Variants in CAD observed in about 807,000 individuals in gnomAD.
CAD encodes multifunctional protein CAD.
A neutral mutation model predicts 237.2 loss-of-function variants in CAD; 81 were observed. That is an observed-to-expected ratio of 0.34 (90% CI 0.29 to 0.41). The LOEUF (loss-of-function observed/expected upper bound fraction) is 0.41, where lower values mean the gene tolerates loss of function less well. Ranked by LOEUF, CAD falls within the 10% of genes least tolerant of loss-of-function variation. The pLI, the probability that CAD is intolerant of heterozygous loss-of-function variation, is 1.00. For synonymous variants in CAD, 1,196 were observed against 1,162.8 expected (o/e 1.03, Z -0.58); for missense variants, 2,181 against 2,951.7 (o/e 0.74, Z 6.05).
In CAD at chr2:27,232,318, G is replaced by A; in HGVS notation, c.2645+94G>A. The stretch of plus-strand genomic sequence containing the variant: ...CTTGGGAGGGAGGAAGGAGAGTGTG[G>A]GAGAGCTTTAGAGGCTTCTGACCTT... On this transcript the variant is annotated intron_variant, in intron 17 of 43. Transcript: ENST00000264705. The surrounding 1 kb of genome is among the most constrained non-coding windows in gnomAD (Gnocchi z 4.1). 1 of 1,581,998 alleles carries A rather than the reference G, an allele frequency of 6.3e-7. No individual in the cohort carries two copies.
chr2:27,224,660 G>C, intron 9 of CAD, 85 bp from the exon 10 acceptor site: 1 of 1,571,322 alleles, frequency 6.4e-7, no homozygotes, highest in Non-Finnish European at 8.7e-7. Context: ...GTACAGGGAG[G>C]GAAAGAAGAG....
chr2:27,230,211 G>A (rs769061218), intron 15 of CAD, among the ~76,000 whole-genome samples: 11 of 152,104 alleles, frequency 7.2e-5, no homozygotes, highest in Non-Finnish European at 1.5e-4. Flanking sequence ...GCAGTCCAGC[G>A]TGGGTGATGA....
chr2:27,226,063 C>G, intron 12 of CAD, 68 bp from the exon 13 acceptor site: 6 of 1,530,860 alleles, frequency 3.9e-6, no homozygotes, highest in Non-Finnish European at 5.4e-6. Flanking sequence ...TAACAGGACC[C>G]TGGGGTGCAG....
intron 15 of CAD, among the ~76,000 whole-genome samples, chr2:27,229,361 A>G (rs1161969488): frequency 6.6e-6 from 1 of 152,032 alleles, no homozygotes; most frequent in Non-Finnish European, 1.5e-5. Flanking sequence ...TGGATCTTCT[A>G]GGCTTAAGTA....
chr2:27,220,323 G>A (rs1237443976), intron 2 of CAD, among the ~76,000 whole-genome samples: 1 of 152,120 alleles, frequency 6.6e-6, no homozygotes, highest in Admixed American at 6.6e-5. Flanking sequence ...GGGCTTCACA[G>A]AGAAAGGATT....
intron 31 of CAD, 104 bp from the exon 32 acceptor site, chr2:27,238,938 G>A (rs923862625): frequency 8.2e-6 from 9 of 1,091,328 alleles, no homozygotes; most frequent in Non-Finnish European, 9.3e-6. Flanking sequence ...ATTGGGAGTG[G>A]TAGTGAGCAT....
At position 27,233,329 on chromosome 2, in the gene CAD, T is replaced by C. The variant is rs747869226; in HGVS notation, c.3009T>C (p.Tyr1003=). 4.3e-6 allele frequency: 7 copies of C among 1,614,172 alleles called. No individual in the cohort carries two copies. The South Asian group carries it at 7.7e-5, about 18-fold the overall frequency. The part of the protein sequence containing the change: ...EISFEVVMDI[Y]ELENPEGVIL... Reference sequence around the variant, plus strand: ...CAACGTAGGTGGTGATGGACATCTATGAGCTCGAGAACCCTGAAGGTGTGA... The same window carrying C: ...CAACGTAGGTGGTGATGGACATCTACGAGCTCGAGAACCCTGAAGGTGTGA... The change falls in exon 20 of 44, where the codon TAT becomes TAC. Residue 1003 remains tyrosine, a synonymous_variant. Transcript: ENST00000264705. The surrounding 1 kb of genome is among the most constrained non-coding windows in gnomAD (Gnocchi z 6.3).
At chr2:27,226,784 T>G (rs763771197) in intron 14 of CAD, 48 bp from the exon 15 acceptor site, 5 of 1,610,490 alleles carry the variant, frequency 3.1e-6, no homozygotes, top group Admixed American at 1.7e-5. Flanking sequence ...AGCTCACCCT[T>G]TATGCTTCCT....
rs1216995895 is a variant in CAD, at chr2:27,240,405, G to A, written c.5593+44G>A. The A allele has an allele frequency of 1.3e-6, 2 of 1,574,866 alleles. No homozygotes were observed. Among genetic ancestry groups the A allele is most frequent in the Non-Finnish European group, 8.7e-7 (1 of 1,144,436 alleles). Reference sequence around the variant, plus strand: ...TGACTCAGAGACTGTGTAGGGACAGGATCCACTTCTTCCCAGTGCCTCGCC... The same window carrying A: ...TGACTCAGAGACTGTGTAGGGACAGAATCCACTTCTTCCCAGTGCCTCGCC... On this transcript the variant is annotated intron_variant, in intron 35 of 43. Transcript: ENST00000264705. This position sits in a 1 kb window ranked among gnomAD's most constrained non-coding sequence, Gnocchi z 4.6.
chr2:27,231,604 A>C, intron 16 of CAD, 24 bp downstream of exon 16: 1 of 1,408,996 alleles, frequency 7.1e-7, no homozygotes, highest in Non-Finnish European at 1.0e-6. Context: ...CTCCCCTGGC[A>C]ATACCCCTAA....
At chr2:27,243,136 C>A in intron 42 of CAD, 62 bp from the exon 43 acceptor site, 2 of 1,535,252 alleles carry the variant, frequency 1.3e-6, no homozygotes, top group Non-Finnish European at 9.0e-7. Flanking sequence ...GGAGCCCAGA[C>A]TTGTGTCCTC....
intron 12 of CAD, 29 bp downstream of exon 12, chr2:27,225,955 G>C (rs769597250): frequency 6.3e-7 from 1 of 1,598,526 alleles, no homozygotes; most frequent in South Asian, 1.1e-5. Context: ...GGTGGGCGTC[G>C]TGTCAGGCAG....
rs372970060 is a variant in CAD, at chr2:27,239,684, C to T, written c.5395-13C>T. 1.9e-4 allele frequency: 298 copies of T among 1,566,274 alleles called. No homozygotes were observed. Among genetic ancestry groups the T allele is most frequent in the Non-Finnish European group, 2.4e-4 (278 of 1,153,558 alleles). On this transcript the variant is annotated splice_polypyrimidine_tract_variant and intron_variant, in intron 33 of 43. Transcript: ENST00000264705. This position sits in a 1 kb window ranked among gnomAD's most constrained non-coding sequence, Gnocchi z 4.0. ...CTCTGCTCCCTCCTGAGTGCCCTGC[C>T]TTCTGCCTGCAGGTTCTGGTACCCC... is the stretch of plus-strand genomic sequence containing the variant.
chr2:27,223,108 G>T (rs1435978849), intron 6 of CAD, 71 bp downstream of exon 6: 2 of 1,498,832 alleles, frequency 1.3e-6, no homozygotes, highest in East Asian at 4.5e-5. Context: ...GGAATGAGAA[G>T]AGAGTTGGTG....
At chr2:27,231,613 A>G (rs1252632910) in intron 16 of CAD, 33 bp downstream of exon 16, 1 of 1,305,198 alleles carries the variant, frequency 7.7e-7, no homozygotes, top group Admixed American at 1.7e-5. Flanking sequence ...CAATACCCCT[A>G]AAATAGACCC....
chr2:27,233,883 C>A lies in CAD; in HGVS notation c.3399+75C>A. ...GAGGAGACTTCCTTCTCTGGTCCAG[C>A]AGAATCATAGGCACCAGGGCTGGGA... On this transcript the variant is annotated intron_variant, in intron 21 of 43. Coordinates refer to ENST00000264705, the MANE Select transcript of CAD (RefSeq NM_004341.5). This position sits in a 1 kb window ranked among gnomAD's most constrained non-coding sequence, Gnocchi z 6.3. 1 of 1,571,276 alleles carries A rather than the reference C, an allele frequency of 6.4e-7. No individual in the cohort carries two copies. The highest frequency in any genetic ancestry group is 2.2e-5 in the East Asian group (1 of 44,510).
intron 15 of CAD, among the ~76,000 whole-genome samples, chr2:27,228,117 G>A (rs1284671596): frequency 6.6e-6 from 1 of 152,204 alleles, no homozygotes; most frequent in Non-Finnish European, 1.5e-5. Flanking sequence ...TGTTAGGATT[G>A]TAAATAGAAA....
At position 27,235,355 on chromosome 2, in the gene CAD, C is replaced by T. The variant is rs142918199; in HGVS notation, c.3897C>T (p.Tyr1299=). ...AGFGESRCEA[Y]LKAMLSTGFK... ...TTGGGGAGAGCCGCTGTGAGGCATA[C>T]CTCAAGGCCATGCTAAGCACTGGCT... The change falls in exon 24 of 44, where the codon TAC becomes TAT. Residue 1299 remains tyrosine, a synonymous_variant. Transcript: ENST00000264705. This position sits in a 1 kb window ranked among gnomAD's most constrained non-coding sequence, Gnocchi z 5.2. The T allele has an allele frequency of 4.3e-5, 69 of 1,613,938 alleles. No homozygotes were observed. The highest frequency in any genetic ancestry group is 5.6e-5 in the Non-Finnish European group (66 of 1,179,990).
rs1473248520 is a variant in CAD at position 27,243,765 on chromosome 2, A to AT, written c.*247_*248insT. The AT allele has an allele frequency of 9.6e-6, 5 of 522,090 alleles. No homozygotes were observed. Among genetic ancestry groups the AT allele is most frequent in the Non-Finnish European group, 1.7e-5 (5 of 293,712 alleles). 32.3% of individuals were successfully genotyped at this position (522,090 alleles called of 1,614,324 possible). On this transcript the variant is annotated 3_prime_UTR_variant, in exon 44 of 44. Coordinates refer to ENST00000264705, the MANE Select transcript of CAD (RefSeq NM_004341.5). ...ACAGTCATTTTTCTACTGACTTAAT[A>AT]AACAGCCGAGCTGTCCCTTGATGCT... is the stretch of plus-strand genomic sequence containing the variant.
Sources: allele counts gnomAD v4.1 joint callset (sites outside exome capture counted in the v4.1 genomes callset), GRCh38; gene constraint gnomAD v4.1.1; non-coding constraint Gnocchi (gnomAD v3.1); transcripts MANE v1.5; gene names NCBI Gene and HGNC (gene_info 2026-07-23, HGNC 2026-07-21).